Variants in MELK observed in about 807,000 individuals in gnomAD.
MELK encodes the protein pEg3 kinase.
In MELK, 81 loss-of-function variants were observed where a neutral mutation model predicts 85.0. That is an observed-to-expected ratio of 0.95 (90% CI 0.80 to 1.15). The LOEUF (loss-of-function observed/expected upper bound fraction) is 1.15. Among genes scored for constraint, MELK ranks in the 50% most tolerant of loss-of-function variants. The pLI, the probability that MELK is intolerant of heterozygous loss-of-function variation, is 0.00. For missense variants in MELK, 754 were observed against 777.5 expected (o/e 0.97, Z 0.36); for synonymous variants, 252 against 265.0 (o/e 0.95, Z 0.48).
intron 16 of MELK, among the ~76,000 whole-genome samples, chr9:36,672,413 A>G (rs969464812): frequency 6.6e-6 from 1 of 152,214 alleles, no homozygotes; most frequent in African/African-American, 2.4e-5. Flanking sequence ...CACATTATTG[A>G]GAAGCTAAGC....
At chr9:36,635,389 G>A (rs1309799353) in intron 10 of MELK, among the ~76,000 whole-genome samples, 2 of 151,890 alleles carry the variant, frequency 1.3e-5, no homozygotes, top group Admixed American at 6.6e-5. Context: ...TCAGCCACCC[G>A]ATTAGTTGGG....
At chr9:36,655,021 A>G (rs1023444438) in intron 12 of MELK, among the ~76,000 whole-genome samples, 1 of 152,156 alleles carries the variant, frequency 6.6e-6, no homozygotes, top group Non-Finnish European at 1.5e-5. Flanking sequence ...CGATCAATCA[A>G]TCAATAGGTG....
At chr9:36,656,065 G>A (rs116646555) in intron 12 of MELK, among the ~76,000 whole-genome samples, 3 of 151,962 alleles carry the variant, frequency 2.0e-5, no homozygotes, top group Non-Finnish European at 2.9e-5. Flanking sequence ...TTGAATTCAG[G>A]GTATAATTAG....
intron 10 of MELK, among the ~76,000 whole-genome samples, chr9:36,636,727 G>GATTTATTT (rs1431630520): frequency 6.0e-5 from 5 of 83,512 alleles, no homozygotes; most frequent in African/African-American, 2.1e-4. Context: ...GTAGCAACTG[G>GATTTATTT]ATTTCTTTCT....
chr9:36,637,925 T>C (rs1829369579), intron 10 of MELK, among the ~76,000 whole-genome samples: 1 of 152,132 alleles, frequency 6.6e-6, no homozygotes, highest in Admixed American at 6.6e-5. Flanking sequence ...ATAACATAAT[T>C]CTAACAGCAA....
chr9:36,626,253 C>G (rs1827918649), intron 8 of MELK, among the ~76,000 whole-genome samples: 1 of 152,122 alleles, frequency 6.6e-6, no homozygotes, highest in Non-Finnish European at 1.5e-5. Flanking sequence ...GAATTCTTCT[C>G]AGGACCCTTT....
At chr9:36,610,913 G>A (rs186778373) in intron 8 of MELK, among the ~76,000 whole-genome samples, 1 of 152,130 alleles carries the variant, frequency 6.6e-6, no homozygotes, top group Admixed American at 6.5e-5. Context: ...TGAAATAATT[G>A]TATTCTAGTA....
intron 2 of MELK, among the ~76,000 whole-genome samples, chr9:36,583,413 GT>G (rs1055985945): frequency 1.2e-4 from 16 of 135,444 alleles, no homozygotes; most frequent in Admixed American, 4.6e-4. Flanking sequence ...AGTGAGTTCT[GT>G]TTTTTTTTTA....
chr9:36,657,411 A>G (rs2137484272), intron 13 of MELK, 48 bp downstream of exon 13: 1 of 1,537,674 alleles, frequency 6.5e-7, no homozygotes, highest in Non-Finnish European at 8.7e-7. Flanking sequence ...TGTTTCAATT[A>G]TAAAAACAAC....
chr9:36,661,061 A>G lies in MELK; in HGVS notation c.1176+3698A>G, dbSNP rs185592452. Among the ~76,000 whole-genome samples the G allele has an allele frequency of 4.7e-3, 721 of 152,314 alleles. 6 individuals carry two copies. Among genetic ancestry groups the G allele is most frequent in the Non-Finnish European group, 8.3e-3 (568 of 68,028 alleles). Reference sequence around the variant, plus strand: ...AGGGTCTTCTAGGGAACTACTGGCCAGGCTAAATAATGACAGTTTTCTGAG... The same window carrying G: ...AGGGTCTTCTAGGGAACTACTGGCCGGGCTAAATAATGACAGTTTTCTGAG... On this transcript the variant is annotated intron_variant, in intron 13 of 17. Coordinates refer to ENST00000298048, the MANE Select transcript of MELK (RefSeq NM_014791.4).
At chr9:36,650,816 A>G (rs1830636844) in intron 11 of MELK, among the ~76,000 whole-genome samples, 1 of 152,258 alleles carries the variant, frequency 6.6e-6, no homozygotes, top group Non-Finnish European at 1.5e-5. Context: ...AAGCCGGTCC[A>G]GAGTGGAGCA....
At chr9:36,636,315 C>T (rs752785753) in intron 10 of MELK, among the ~76,000 whole-genome samples, 1 of 151,698 alleles carries the variant, frequency 6.6e-6, no homozygotes, top group Non-Finnish European at 1.5e-5. Flanking sequence ...ACCAGCCTGA[C>T]CAACATGGAG....
chr9:36,654,702 A>T (rs984770661), intron 12 of MELK, among the ~76,000 whole-genome samples: 1 of 152,088 alleles, frequency 6.6e-6, no homozygotes, highest in Admixed American at 6.6e-5. Flanking sequence ...TGATCTGCTT[A>T]TATGAGTTGT....
intron 12 of MELK, among the ~76,000 whole-genome samples, chr9:36,656,072 T>C (rs1461852685): frequency 6.6e-6 from 1 of 152,156 alleles, no homozygotes; most frequent in African/African-American, 2.4e-5. Flanking sequence ...CAGGGTATAA[T>C]TAGTATACCC....
At chr9:36,621,020 C>T (rs1439320703) in intron 8 of MELK, among the ~76,000 whole-genome samples, 1 of 151,598 alleles carries the variant, frequency 6.6e-6, no homozygotes, top group Admixed American at 6.6e-5. Flanking sequence ...CCTGCAATCC[C>T]AGCACTTTGG....
At chr9:36,653,271 C>G (rs1341773325) in intron 12 of MELK, among the ~76,000 whole-genome samples, 1 of 152,096 alleles carries the variant, frequency 6.6e-6, no homozygotes, top group African/African-American at 2.4e-5. Flanking sequence ...CTCAGCCTCC[C>G]TAGTAGCTGG....
chr9:36,674,159 G>A (rs1049673292), intron 16 of MELK, among the ~76,000 whole-genome samples: 11 of 152,154 alleles, frequency 7.2e-5, no homozygotes, highest in Non-Finnish European at 1.3e-4. Flanking sequence ...AGGGATTTTT[G>A]TGTGTCCAGG....
chr9:36,580,038 CTTTT>C (rs58166111), intron 1 of MELK, among the ~76,000 whole-genome samples: 3 of 117,962 alleles, frequency 2.5e-5, no homozygotes, highest in African/African-American at 6.2e-5. Flanking sequence ...TTCATGTCTT[CTTTT>C]TTTTTTTTTT....
rs1833444938 is a variant in MELK, at chr9:36,677,448, A to G, written c.*111A>G. ...TCATTGGAACTACCAACTTGTTTCT[A>G]AAGAGCTATCTTAAGACCAATATCT... On this transcript the variant is annotated 3_prime_UTR_variant, in exon 18 of 18. Coordinates refer to ENST00000298048, the MANE Select transcript of MELK (RefSeq NM_014791.4). 1 of 1,000,706 alleles carries G rather than the reference A, an allele frequency of 1.0e-6. No homozygotes were observed. Among genetic ancestry groups the G allele is most frequent in the Non-Finnish European group, 1.4e-6 (1 of 718,426 alleles). The allele number at this position is 1,000,706 out of a possible 1,614,324, so 62.0% of individuals were successfully genotyped here.
Sources: gnomAD v4.1 joint callset for allele counts (sites outside exome capture counted in the v4.1 genomes callset) on GRCh38, gnomAD v4.1.1 for gene constraint, MANE v1.5 for transcripts, NCBI Gene and HGNC (gene_info 2026-07-23, HGNC 2026-07-21) for gene names.